The following KDM6A variants were observed in gnomAD, a reference collection of about 807,000 sequenced individuals.
The protein encoded by KDM6A is lysine demethylase 6A, also known as lysine-specific demethylase 6A.
A neutral mutation model predicts 117.6 loss-of-function variants in KDM6A; 11 were observed. That is an observed-to-expected ratio of 0.09 (90% CI 0.06 to 0.15). The LOEUF (loss-of-function observed/expected upper bound fraction) is 0.15, where lower values mean the gene tolerates loss of function less well. Ranked by LOEUF, KDM6A falls within the 10% of genes least tolerant of loss-of-function variation. KDM6A has a pLI of 1.00. For synonymous variants in KDM6A, 384 were observed against 396.1 expected, an observed-to-expected ratio of 0.97 and a Z score of 0.36; for missense variants, 799 against 1,077.3, an observed-to-expected ratio of 0.74 and a Z score of 3.62.
chrX:44,952,357 C>T (rs1466874606), intron 2 of KDM6A, among the ~76,000 whole-genome samples: 2 of 107,465 alleles, frequency 1.9e-5, no homozygotes, highest in Non-Finnish European at 3.8e-5. Context: ...CTGGAACCTC[C>T]GCTTCCTAGG....
At chrX:44,896,300 A>G (rs979561226) in intron 2 of KDM6A, among the ~76,000 whole-genome samples, 1 of 110,224 alleles carries the variant, frequency 9.1e-6, no homozygotes, top group Non-Finnish European at 1.9e-5. Flanking sequence ...GATGGTCACG[A>G]TCTCCTGACC....
intron 2 of KDM6A, among the ~76,000 whole-genome samples, chrX:44,933,842 T>TGCTG (rs779919818): frequency 8.9e-6 from 1 of 112,045 alleles, no homozygotes; most frequent in East Asian, 2.8e-4. Context: ...CCTTCCAAAG[T>TGCTG]GCTGGGATTA....
chrX:44,988,357 T>C (rs1411384695), intron 4 of KDM6A, among the ~76,000 whole-genome samples: 1 of 110,601 alleles, frequency 9.0e-6, no homozygotes, highest in Non-Finnish European at 1.9e-5. Context: ...GGGTTCGAAC[T>C]TCCTCCTTTA....
chrX:44,978,641 A>G (rs1412008818), intron 4 of KDM6A, among the ~76,000 whole-genome samples: 1 of 112,146 alleles, frequency 8.9e-6, no homozygotes, highest in African/African-American at 3.2e-5. Flanking sequence ...ATTTTTTGAG[A>G]TATGATTTAC....
At chrX:44,928,243 C>T (rs1175898252) in intron 2 of KDM6A, among the ~76,000 whole-genome samples, 1 of 111,490 alleles carries the variant, frequency 9.0e-6, no homozygotes, top group East Asian at 2.8e-4. Flanking sequence ...TGGACAATGC[C>T]CTTGTTCTTA....
intron 2 of KDM6A, among the ~76,000 whole-genome samples, chrX:44,899,669 T>C (rs1478934124): frequency 2.7e-5 from 3 of 110,700 alleles, no homozygotes; most frequent in Non-Finnish European, 3.8e-5. Flanking sequence ...AATTATGAAG[T>C]CTTTAGGAAA....
chrX:45,039,153 A>C (rs899822759), intron 8 of KDM6A, among the ~76,000 whole-genome samples: 1 of 110,770 alleles, frequency 9.0e-6, no homozygotes, highest in Non-Finnish European at 1.9e-5. Context: ...GGGAGTTTTA[A>C]AAAATTAACA....
chrX:45,068,647 G>A (rs773458524), intron 17 of KDM6A, among the ~76,000 whole-genome samples: 17 of 106,932 alleles, frequency 1.6e-4, no homozygotes, highest in African/African-American at 5.5e-4. Flanking sequence ...CTCACTGCTG[G>A]CTCAAACTCC....
intron 8 of KDM6A, among the ~76,000 whole-genome samples, chrX:45,046,109 T>C (rs2043526047): frequency 9.0e-6 from 1 of 111,508 alleles, no homozygotes; most frequent in Admixed American, 9.6e-5. Context: ...AGCAATATAC[T>C]ATGACCAAGT....
chrX:45,106,119 TA>T (rs1321641061), intron 27 of KDM6A, among the ~76,000 whole-genome samples: 3 of 111,089 alleles, frequency 2.7e-5, no homozygotes, highest in African/African-American at 9.8e-5. Context: ...TGTTTCTAAA[TA>T]AGTTAAATAT....
intron 8 of KDM6A, among the ~76,000 whole-genome samples, chrX:45,046,093 A>G (rs2043525334): frequency 9.0e-6 from 1 of 111,573 alleles, no homozygotes; most frequent in African/African-American, 3.3e-5. Flanking sequence ...TTATCTCATT[A>G]AACACAGCAA....
chrX:45,102,660 T>C (rs1355014622), intron 27 of KDM6A, among the ~76,000 whole-genome samples: 1 of 111,938 alleles, frequency 8.9e-6, no homozygotes, highest in Non-Finnish European at 1.9e-5. Flanking sequence ...GGGTTTGATA[T>C]ATAATGCTTT....
At chrX:45,006,184 G>A (rs2041476645) in intron 4 of KDM6A, among the ~76,000 whole-genome samples, 1 of 85,676 alleles carries the variant, frequency 1.2e-5, no homozygotes, top group South Asian at 7.0e-4. Flanking sequence ...CCGCCATGTT[G>A]CCAAGAGCTT....
chrX:44,999,107 C>T (rs1389801524), intron 4 of KDM6A, among the ~76,000 whole-genome samples: 1 of 111,903 alleles, frequency 8.9e-6, no homozygotes, highest in East Asian at 2.8e-4. Context: ...CACATGAAGC[C>T]AGTCTGGCCA....
At chrX:45,075,314 T>C (rs2045063225) in intron 18 of KDM6A, among the ~76,000 whole-genome samples, 2 of 111,488 alleles carry the variant, frequency 1.8e-5, no homozygotes, top group African/African-American at 6.5e-5. Flanking sequence ...GTTTATAAAT[T>C]GGTACCAACT....
intron 2 of KDM6A, among the ~76,000 whole-genome samples, chrX:44,905,555 T>C (rs1433118289): frequency 8.9e-6 from 1 of 112,104 alleles, no homozygotes; most frequent in East Asian, 2.8e-4. Flanking sequence ...TGGTTTCGAA[T>C]TGTAGCTTGA....
At chrX:45,036,618 A>G (rs1251598765) in intron 7 of KDM6A, among the ~76,000 whole-genome samples, 1 of 112,302 alleles carries the variant, frequency 8.9e-6, no homozygotes, top group Non-Finnish European at 1.9e-5. Flanking sequence ...TTTAATTTAT[A>G]CCTTTTTCTT....
intron 2 of KDM6A, among the ~76,000 whole-genome samples, chrX:44,913,237 C>A (rs761504778): frequency 2.8e-5 from 3 of 108,781 alleles, no homozygotes; most frequent in Non-Finnish European, 5.7e-5. Context: ...ATAATATTTT[C>A]TTTTCTCTAG....
At chrX:44,988,063 G>A (rs1002207507) in intron 4 of KDM6A, among the ~76,000 whole-genome samples, 3 of 111,796 alleles carry the variant, frequency 2.7e-5, no homozygotes, top group Non-Finnish European at 5.6e-5. Context: ...CGTAGATTTG[G>A]TCTTTTCACG....
Sources: gnomAD v4.1 joint callset for allele counts (sites outside exome capture counted in the v4.1 genomes callset) on GRCh38, gnomAD v4.1.1 for gene constraint, MANE v1.5 for transcripts, NCBI Gene and HGNC (gene_info 2026-07-23, HGNC 2026-07-21) for gene names.